Variants in CACHD1 observed in about 807,000 individuals in gnomAD.
The protein encoded by CACHD1 is cache domain containing 1, also known as VWFA and cache domain-containing protein 1.
CACHD1 carries 71 observed loss-of-function variants against 138.7 expected under a neutral mutation model. The observed-to-expected ratio is 0.51, with a 90% CI of 0.42 to 0.62. The LOEUF (loss-of-function observed/expected upper bound fraction) is 0.62, where lower values mean the gene tolerates loss of function less well. CACHD1 is among the 20% of genes least tolerant of loss of function. CACHD1 has a pLI of 0.00. For missense variants in CACHD1, 1,389 were observed against 1,625.3 expected (o/e 0.85, Z 2.50); for synonymous variants, 578 against 591.5 (o/e 0.98, Z 0.33).
chr1:64,671,445 A>C lies in CACHD1; in HGVS notation c.2388-119A>C. 2.8e-6 allele frequency: 3 copies of C among 1,056,310 alleles called. No individual in the cohort carries two copies. The South Asian group carries it at 4.3e-5, about 15-fold the overall frequency. The allele number at this position is 1,056,310 out of a possible 1,614,324, so 65.4% of individuals were successfully genotyped here. A position where few individuals can be genotyped will look rare whatever the true frequency, so the allele number is the denominator to read the frequency against. ...GTTGATCATTTTTGTAGGTGGGAAA[A>C]GTAGGGAGGAACAGTGGGAAGGTAT... On this transcript the variant is annotated intron_variant, in intron 16 of 26. Transcript: ENST00000651257.
At chr1:64,479,282 C>CA (rs1442991128) in intron 1 of CACHD1, among the ~76,000 whole-genome samples, 9 of 152,156 alleles carry the variant, frequency 5.9e-5, no homozygotes, top group African/African-American at 2.2e-4. Flanking sequence ...GATACCTACC[C>CA]ATCAGTTAAT....
At chr1:64,587,666 T>A (rs1647061347) in intron 3 of CACHD1, among the ~76,000 whole-genome samples, 1 of 152,204 alleles carries the variant, frequency 6.6e-6, no homozygotes, top group African/African-American at 2.4e-5. Flanking sequence ...AAAAACAAAC[T>A]CATTTTCAAC....
intron 24 of CACHD1, 34 bp downstream of exon 24, chr1:64,679,790 C>G (rs1221346713): frequency 6.2e-7 from 1 of 1,608,462 alleles, no homozygotes; most frequent in Non-Finnish European, 8.5e-7. Flanking sequence ...GGGGAGGCAG[C>G]AGCCAGGCTA....
At chr1:64,511,201 G>A (rs1269203167) in intron 1 of CACHD1, among the ~76,000 whole-genome samples, 2 of 152,188 alleles carry the variant, frequency 1.3e-5, no homozygotes, top group Non-Finnish European at 2.9e-5. Context: ...AGCAGGCACT[G>A]TACTTTAATC....
chr1:64,642,301 T>C (rs1026037703), intron 8 of CACHD1, among the ~76,000 whole-genome samples: 2 of 152,176 alleles, frequency 1.3e-5, no homozygotes, highest in African/African-American at 2.4e-5. Context: ...GCTTATCTCA[T>C]TGGTTTAAGC....
At chr1:64,489,241 G>A (rs766078987) in intron 1 of CACHD1, among the ~76,000 whole-genome samples, 10 of 151,798 alleles carry the variant, frequency 6.6e-5, no homozygotes, top group Non-Finnish European at 7.4e-5. Context: ...TTTTATTTCC[G>A]TCTTATAACT....
intron 1 of CACHD1, among the ~76,000 whole-genome samples, chr1:64,514,496 A>G (rs889661585): frequency 6.6e-6 from 1 of 152,134 alleles, no homozygotes; most frequent in African/African-American, 2.4e-5. Flanking sequence ...GTAACAAAGG[A>G]ATTCCTAGGT....
At chr1:64,513,437 C>A (rs1323509685) in intron 1 of CACHD1, among the ~76,000 whole-genome samples, 4 of 152,168 alleles carry the variant, frequency 2.6e-5, no homozygotes, top group Non-Finnish European at 4.4e-5. Flanking sequence ...TATTAAATAT[C>A]TGCTTTATGT....
chr1:64,554,932 G>A lies in CACHD1; in HGVS notation c.261+4276G>A, dbSNP rs529431753. Among the ~76,000 whole-genome samples the A allele has an allele frequency of 1.5e-3, 228 of 152,212 alleles. 2 individuals carry two copies. Among genetic ancestry groups the A allele is most frequent in the African/African-American group, 4.9e-3 (203 of 41,524 alleles). On this transcript the variant is annotated intron_variant, in intron 2 of 26. Transcript: ENST00000651257. ...AGGTTGCTGTGCAGATTTATGATTC[G>A]TAAATAAGTCCTTTTAGTTTTTGCC...
chr1:64,589,888 A>T (rs1647084012), intron 3 of CACHD1, among the ~76,000 whole-genome samples: 1 of 152,182 alleles, frequency 6.6e-6, no homozygotes, highest in South Asian at 2.1e-4. Context: ...TTTAGAAAGG[A>T]TAGAAAAGTG....
At chr1:64,570,584 G>T (rs1646919395) in intron 2 of CACHD1, among the ~76,000 whole-genome samples, 1 of 152,070 alleles carries the variant, frequency 6.6e-6, no homozygotes, top group Admixed American at 6.6e-5. Flanking sequence ...CAGTTCTTCT[G>T]TTTGCAGTTC....
At chr1:64,660,100 T>C (rs1432518039) in intron 13 of CACHD1, among the ~76,000 whole-genome samples, 1 of 152,172 alleles carries the variant, frequency 6.6e-6, no homozygotes, top group Non-Finnish European at 1.5e-5. Flanking sequence ...TTTGTTTTTA[T>C]ACAAAAAAGT....
chr1:64,629,201 C>A (rs1035811676), intron 4 of CACHD1, among the ~76,000 whole-genome samples, 154 bp from the exon 5 acceptor site: 2 of 152,012 alleles, frequency 1.3e-5, no homozygotes, highest in Non-Finnish European at 2.9e-5. Context: ...TTTTAAGGGG[C>A]AGAAAGCAAA....
chr1:64,601,327 G>C (rs971731133), intron 3 of CACHD1, among the ~76,000 whole-genome samples: 1 of 152,174 alleles, frequency 6.6e-6, no homozygotes, highest in Non-Finnish European at 1.5e-5. Context: ...TGCCTTGCCA[G>C]CATGGACACA....
chr1:64,625,942 G>C (rs1648086585), intron 4 of CACHD1, among the ~76,000 whole-genome samples: 2 of 152,168 alleles, frequency 1.3e-5, no homozygotes. Flanking sequence ...CCAGGTAGAT[G>C]TTTGCTAAGT....
intron 4 of CACHD1, 108 bp downstream of exon 4, chr1:64,603,020 A>G (rs953467400): frequency 1.7e-6 from 1 of 589,520 alleles, no homozygotes; most frequent in African/African-American, 2.0e-5. Flanking sequence ...GAAGTATTAT[A>G]TACTTAAGAT....
intron 24 of CACHD1, among the ~76,000 whole-genome samples, chr1:64,680,957 T>C (rs531422394): frequency 1.4e-4 from 21 of 152,226 alleles, no homozygotes; most frequent in Non-Finnish European, 2.6e-4. Context: ...TCAATCCCTT[T>C]CCTTCTGTTT....
chr1:64,557,584 G>T (rs892905285), intron 2 of CACHD1, among the ~76,000 whole-genome samples: 3 of 151,944 alleles, frequency 2.0e-5, no homozygotes, highest in East Asian at 3.9e-4. Flanking sequence ...TGCGGTTTTT[G>T]ATCTGTTTTG....
chr1:64,532,554 A>C (rs563205128), intron 1 of CACHD1, among the ~76,000 whole-genome samples: 30 of 152,252 alleles, frequency 2.0e-4, no homozygotes, highest in African/African-American at 7.0e-4. Context: ...CTGCAGCTGG[A>C]GAACACTCAT....
Sources: gnomAD v4.1 joint callset for allele counts (sites outside exome capture counted in the v4.1 genomes callset) on GRCh38, gnomAD v4.1.1 for gene constraint, MANE v1.5 for transcripts, NCBI Gene and HGNC (gene_info 2026-07-23, HGNC 2026-07-21) for gene names.